Variants in DLG2 observed in about 807,000 individuals in gnomAD.
DLG2 encodes the protein discs large MAGUK scaffold protein 2, also known as disks large homolog 2.
DLG2 carries 45 observed loss-of-function variants against 132.5 expected under a neutral mutation model. The ratio of observed to expected loss-of-function variants is 0.34; its 90% confidence interval spans 0.27 to 0.44. DLG2 has a LOEUF of 0.44. Ranked by LOEUF, DLG2 falls within the 20% of genes least tolerant of loss-of-function variation. The pLI is 1.00. For missense variants in DLG2, 1,045 were observed against 1,196.9 expected, an observed-to-expected ratio of 0.87 and a Z score of 1.87; for synonymous variants, 424 against 419.6, an observed-to-expected ratio of 1.01 and a Z score of -0.13.
intron 18 of DLG2, among the ~76,000 whole-genome samples, chr11:83,682,822 A>C (rs11233712): frequency 0.039 from 5,975 of 152,144 alleles, 347 homozygotes; most frequent in African/African-American, 0.13. Flanking sequence ...GTATTCACTG[A>C]ATTTATGGAA....
At chr11:85,254,948 A>G (rs926589124) in intron 4 of DLG2, among the ~76,000 whole-genome samples, 1 of 151,784 alleles carries the variant, frequency 6.6e-6, no homozygotes, top group Non-Finnish European at 1.5e-5. Context: ...ATAGTAAGCC[A>G]AGATCACGCC....
At chr11:85,466,159 T>A (rs2092781753) in intron 3 of DLG2, among the ~76,000 whole-genome samples, 1 of 152,224 alleles carries the variant, frequency 6.6e-6, no homozygotes, top group Non-Finnish European at 1.5e-5. Context: ...GGTTGCTTGT[T>A]TTTTTCTTGT....
intron 3 of DLG2, among the ~76,000 whole-genome samples, chr11:85,545,838 C>A (rs916369259): frequency 6.6e-6 from 1 of 151,914 alleles, no homozygotes; most frequent in Admixed American, 6.6e-5. Flanking sequence ...TGGTGATATC[C>A]CCTTTACCAT....
chr11:84,899,027 A>G (rs1357233879), intron 6 of DLG2, among the ~76,000 whole-genome samples: 1 of 152,088 alleles, frequency 6.6e-6, no homozygotes, highest in Non-Finnish European at 1.5e-5. Flanking sequence ...ACATGGTGGG[A>G]AATCACAAAT....
intron 11 of DLG2, among the ~76,000 whole-genome samples, chr11:83,997,167 C>G (rs1253603766): frequency 6.6e-6 from 1 of 151,524 alleles, no homozygotes; most frequent in Non-Finnish European, 1.5e-5. Flanking sequence ...GGGTGAAAAA[C>G]TATTATCAGA....
At chr11:83,813,623 G>A (rs983291660) in intron 17 of DLG2, among the ~76,000 whole-genome samples, 4 of 152,044 alleles carry the variant, frequency 2.6e-5, no homozygotes, top group African/African-American at 9.7e-5. Flanking sequence ...GGCGATACAT[G>A]GTTTAGTATT....
At chr11:84,244,390 C>T (rs1235399748) in intron 8 of DLG2, among the ~76,000 whole-genome samples, 4 of 151,996 alleles carry the variant, frequency 2.6e-5, no homozygotes, top group East Asian at 1.9e-4. Flanking sequence ...TTCAGCATGT[C>T]GGCCAGGCTA....
chr11:84,841,362 T>C (rs902153159), intron 6 of DLG2, among the ~76,000 whole-genome samples: 23 of 152,044 alleles, frequency 1.5e-4, no homozygotes, highest in South Asian at 4.1e-4. Context: ...GTGTTTGAAG[T>C]ATATGCATGA....
At chr11:84,148,840 G>A (rs1337714410) in intron 9 of DLG2, among the ~76,000 whole-genome samples, 1 of 152,068 alleles carries the variant, frequency 6.6e-6, no homozygotes, top group African/African-American at 2.4e-5. Context: ...CATCCACAAT[G>A]TAAAAGCATT....
chr11:84,346,577 G>T (rs2098540112), intron 7 of DLG2, among the ~76,000 whole-genome samples: 1 of 152,146 alleles, frequency 6.6e-6, no homozygotes, highest in African/African-American at 2.4e-5. Flanking sequence ...TCTGGAGACT[G>T]CAGTTTTCTT....
chr11:84,322,024 A>C (rs2098407660), intron 7 of DLG2, among the ~76,000 whole-genome samples: 1 of 152,260 alleles, frequency 6.6e-6, no homozygotes, highest in African/African-American at 2.4e-5. Context: ...TTCCCCAAAC[A>C]GAAAGTAAGT....
At chr11:84,165,637 C>T (rs2095643891) in intron 8 of DLG2, among the ~76,000 whole-genome samples, 1 of 152,148 alleles carries the variant, frequency 6.6e-6, no homozygotes, top group African/African-American at 2.4e-5. Flanking sequence ...GGGTGGTTCA[C>T]ACCTGTAATC....
intron 6 of DLG2, chr11:84,800,744 G>T (rs551395374): frequency 6.6e-6 from 1 of 152,126 alleles, no homozygotes; most frequent in South Asian, 2.1e-4. Context: ...TTCTCTAGTT[G>T]ATATGACTAT....
intron 6 of DLG2, among the ~76,000 whole-genome samples, chr11:84,755,357 A>G (rs2066718361): frequency 6.6e-6 from 1 of 152,198 alleles, no homozygotes; most frequent in South Asian, 2.1e-4. Flanking sequence ...AAATTTGCTG[A>G]TTTCTGGGCT....
At chr11:84,300,438 G>T (rs906482419) in intron 7 of DLG2, among the ~76,000 whole-genome samples, 2 of 152,288 alleles carry the variant, frequency 1.3e-5, no homozygotes, top group Admixed American at 6.5e-5. Flanking sequence ...AAAGACAGGT[G>T]CATAGATCAC....
At chr11:84,578,085 T>C (rs544956565) in intron 6 of DLG2, among the ~76,000 whole-genome samples, 2 of 152,284 alleles carry the variant, frequency 1.3e-5, no homozygotes, top group South Asian at 2.1e-4. Flanking sequence ...ATGTCAAGAA[T>C]TGAAGTTTCA....
At chr11:85,006,696 T>C (rs1299597170) in intron 6 of DLG2, among the ~76,000 whole-genome samples, 1 of 152,106 alleles carries the variant, frequency 6.6e-6, no homozygotes, top group Non-Finnish European at 1.5e-5. Context: ...CTTCACTGAT[T>C]TTTTTGAAGG....
chr11:83,498,778 T>G (rs34902506), intron 21 of DLG2, among the ~76,000 whole-genome samples: 52,780 of 150,058 alleles, frequency 0.35, 9,371 homozygotes, highest in Middle Eastern at 0.45. Flanking sequence ...AAAAATCTTT[T>G]TTTTTTTTTG....
chr11:84,393,639 G>A (rs1338229970), intron 7 of DLG2, among the ~76,000 whole-genome samples: 1 of 151,960 alleles, frequency 6.6e-6, no homozygotes, highest in African/African-American at 2.4e-5. Flanking sequence ...TACATATTTG[G>A]CTTTCTAGCT....
Sources: allele counts gnomAD v4.1 joint callset (sites outside exome capture counted in the v4.1 genomes callset), GRCh38; gene constraint gnomAD v4.1.1; transcripts MANE v1.5; gene names NCBI Gene and HGNC (gene_info 2026-07-23, HGNC 2026-07-21).